UBA6: variants seen among roughly 807,000 people sequenced by gnomAD.
The protein encoded by UBA6 is ubiquitin like modifier activating enzyme 6.
Under a neutral mutation model 148.3 loss-of-function variants are expected in UBA6, and 87 were observed. The ratio of observed to expected loss-of-function variants is 0.59; its 90% CI spans 0.49 to 0.70. The LOEUF (loss-of-function observed/expected upper bound fraction) is 0.70. Among genes scored for constraint, UBA6 ranks in the 30% least tolerant of loss-of-function variants. UBA6 has a pLI of 0.00. For synonymous variants in UBA6, 376 were observed against 401.0 expected, an observed-to-expected ratio of 0.94 and a Z score of 0.75; for missense variants, 1,186 against 1,241.2, an observed-to-expected ratio of 0.96 and a Z score of 0.67.
At chr4:67,647,507 T>C (rs929271624) in intron 14 of UBA6, among the ~76,000 whole-genome samples, 5 of 152,160 alleles carry the variant, frequency 3.3e-5, no homozygotes, top group Non-Finnish European at 7.4e-5. Context: ...AGCTTGGATA[T>C]ATAATCTATA....
intron 8 of UBA6, among the ~76,000 whole-genome samples, chr4:67,669,597 T>C (rs1350533030): frequency 1.3e-5 from 2 of 152,198 alleles, no homozygotes; most frequent in African/African-American, 2.4e-5. Flanking sequence ...ATCATAATGA[T>C]TTCTCCAGTT....
intron 32 of UBA6, among the ~76,000 whole-genome samples, chr4:67,621,367 T>A (rs1728746195): frequency 6.6e-6 from 1 of 152,264 alleles, no homozygotes; most frequent in African/African-American, 2.4e-5. Context: ...CAGAGATTCA[T>A]TTACTAGTCT....
intron 5 of UBA6, 97 bp from the exon 6 acceptor site, chr4:67,677,819 T>C: frequency 1.7e-6 from 1 of 573,538 alleles, no homozygotes; most frequent in African/African-American, 1.9e-5. Context: ...ACCTGACATG[T>C]TACAAAATTT....
At chr4:67,630,722 A>G (rs986967102) in intron 25 of UBA6, among the ~76,000 whole-genome samples, 187 bp from the exon 26 acceptor site, 5 of 152,182 alleles carry the variant, frequency 3.3e-5, no homozygotes, top group Non-Finnish European at 5.9e-5. Context: ...AGAAGTTATA[A>G]AAGACAAAAC....
chr4:67,662,136 C>T (rs1013134839), intron 13 of UBA6, 53 bp downstream of exon 13: 6 of 1,529,352 alleles, frequency 3.9e-6, no homozygotes, highest in Non-Finnish European at 5.4e-6. Context: ...ATATACAGAA[C>T]ACTTATGTAT....
At chr4:67,625,439 C>T (rs764254477) in intron 28 of UBA6, among the ~76,000 whole-genome samples, 36 of 148,672 alleles carry the variant, frequency 2.4e-4, no homozygotes, top group Admixed American at 9.4e-4. Flanking sequence ...AAACTAGAGA[C>T]GTTTCTGTAT....
chr4:67,680,454 C>T (rs1730405939), intron 4 of UBA6, among the ~76,000 whole-genome samples: 1 of 152,144 alleles, frequency 6.6e-6, no homozygotes, highest in African/African-American at 2.4e-5. Context: ...TGACTAGTTT[C>T]TTCAACAAAT....
chr4:67,630,306 A>G (rs1168546942), intron 26 of UBA6, 160 bp downstream of exon 26: 2 of 601,488 alleles, frequency 3.3e-6, no homozygotes, highest in East Asian at 3.2e-5. Context: ...ATGAGCTTTT[A>G]GCTTCCATTA....
At position 67,678,533 on chromosome 4, in the gene UBA6, C is replaced by A. The variant is rs1730345665; in HGVS notation, c.259G>T (p.Ala87Ser). The change falls in exon 5 of 33, where the codon GCA (alanine) becomes TCA (serine). Residue 87 changes from alanine to serine, a missense_variant and splice_region_variant. Physicochemically the swap from Ala to Ser is moderately conservative, Grantham distance 99. Coordinates refer to ENST00000322244, the MANE Select transcript of UBA6 (RefSeq NM_018227.6). ...TTTTCTGTATCATGAATTGTAACTG[C>A]CTTCAAAAAAGAAAAAAGTATTGGT... The part of the protein sequence containing the change: ...AKNLVLAGIK[A>S]VTIHDTEKCQ... 3 of 1,577,920 alleles carry A rather than the reference C, an allele frequency of 1.9e-6. No homozygotes were observed. The highest frequency in any genetic ancestry group is 2.6e-6 in the Non-Finnish European group (3 of 1,158,554).
Position 67,657,271 on chromosome 4 carries a change from G to C in UBA6, c.1104+4918C>G, listed in dbSNP as rs147194612. Among the ~76,000 whole-genome samples the C allele has an allele frequency of 5.2e-3, 786 of 152,270 alleles. 9 individuals carry two copies. Among genetic ancestry groups the C allele is most frequent in the African/African-American group, 0.017 (719 of 41,552 alleles). On this transcript the variant is annotated intron_variant, in intron 13 of 32. Transcript: ENST00000322244. Reference sequence around the variant, plus strand: ...CAAAGCTGGAAGCATCATACTATCTGACTTCAAATTATACTTTAAGCCTAC... The same window carrying C: ...CAAAGCTGGAAGCATCATACTATCTCACTTCAAATTATACTTTAAGCCTAC...
chr4:67,683,642 ATTC>A (rs1165502715), intron 2 of UBA6, among the ~76,000 whole-genome samples: 1 of 151,402 alleles, frequency 6.6e-6, no homozygotes. Flanking sequence ...CAAGACAATT[ATTC>A]TTCTTCCAAT....
intron 6 of UBA6, among the ~76,000 whole-genome samples, chr4:67,674,660 AAAT>A (rs1273493598): frequency 2.0e-5 from 3 of 152,212 alleles, no homozygotes; most frequent in Non-Finnish European, 2.9e-5. Flanking sequence ...GATAGTTTGC[AAAT>A]AATAAAAAAA....
In UBA6 at chr4:67,649,062, A is replaced by T. The variant is rs756702259; in HGVS notation, c.1248+6T>A. The T allele has an allele frequency of 6.2e-7, 1 of 1,612,554 alleles. No individual in the cohort carries two copies. The highest frequency in any genetic ancestry group is 8.5e-7 in the Non-Finnish European group (1 of 1,179,432). ...AAGAATTCAACTTTAAAAACTCAGA[A>T]CTAACCCACTGGCACAAAGGAGAAA... On this transcript the variant is annotated splice_donor_region_variant and intron_variant, in intron 14 of 32. Coordinates refer to ENST00000322244, the MANE Select transcript of UBA6 (RefSeq NM_018227.6).
chr4:67,634,135 TACAATC>T, intron 22 of UBA6, 101 bp downstream of exon 22: 1 of 680,402 alleles, frequency 1.5e-6, no homozygotes, highest in Non-Finnish European at 2.3e-6. Context: ...ATTTTTTATA[TACAATC>T]ACTCTTTATG....
chr4:67,687,191 A>G (rs534194450), intron 2 of UBA6, among the ~76,000 whole-genome samples: 4 of 151,550 alleles, frequency 2.6e-5, no homozygotes, highest in Admixed American at 1.3e-4. Context: ...GCGTGCCACC[A>G]TGCCTGGCTA....
At chr4:67,655,709 T>C (rs971195394) in intron 13 of UBA6, among the ~76,000 whole-genome samples, 3 of 150,066 alleles carry the variant, frequency 2.0e-5, no homozygotes, top group Admixed American at 1.3e-4. Context: ...CTGAAGGAGA[T>C]AGAGACACAA....
At chr4:67,641,284 T>C (rs1402883559) in intron 17 of UBA6, 56 bp from the exon 18 acceptor site, 2 of 1,129,508 alleles carry the variant, frequency 1.8e-6, no homozygotes, top group Admixed American at 2.3e-5. Context: ...TAATCTATTT[T>C]TCTTTTCTCA....
intron 15 of UBA6, among the ~76,000 whole-genome samples, 159 bp from the exon 16 acceptor site, chr4:67,646,175 A>C (rs1425797172): frequency 2.0e-5 from 3 of 152,200 alleles, no homozygotes; most frequent in Non-Finnish European, 4.4e-5. Context: ...CCATAAAGAA[A>C]TCCATTTTTC....
chr4:67,663,309 A>G, intron 11 of UBA6, 94 bp from the exon 12 acceptor site: 2 of 780,152 alleles, frequency 2.6e-6, no homozygotes, highest in Non-Finnish European at 4.2e-6. Context: ...TTTAACCATC[A>G]TAATAAACAC....
Sources: gnomAD v4.1 joint callset for allele counts (sites outside exome capture counted in the v4.1 genomes callset) on GRCh38, gnomAD v4.1.1 for gene constraint, MANE v1.5 for transcripts, NCBI Gene and HGNC (gene_info 2026-07-23, HGNC 2026-07-21) for gene names.